The following EEF1E1 variants were observed in gnomAD, a reference collection of about 807,000 sequenced individuals.
The protein encoded by EEF1E1 is eukaryotic translation elongation factor 1 epsilon-1.
EEF1E1 carries 19 observed loss-of-function variants against 19.9 expected under a neutral mutation model. The ratio of observed to expected loss-of-function variants is 0.95; its 90% CI spans 0.66 to 1.40. The LOEUF (loss-of-function observed/expected upper bound fraction) is 1.40, where lower values mean the gene tolerates loss of function less well. Among genes scored for constraint, EEF1E1 ranks in the 40% most tolerant of loss-of-function variants. EEF1E1 has a pLI of 0.00. For synonymous variants in EEF1E1, 81 were observed against 80.0 expected, an observed-to-expected ratio of 1.01 and a Z score of -0.07; for missense variants, 198 against 202.2, an observed-to-expected ratio of 0.98 and a Z score of 0.13.
chr6:8,092,262 A>G (rs1455634487), intron 2 of EEF1E1, among the ~76,000 whole-genome samples: 7 of 152,226 alleles, frequency 4.6e-5, no homozygotes, highest in Non-Finnish European at 1.0e-4. Flanking sequence ...TCTGGAATAT[A>G]GTGGTTCAGC....
chr6:8,102,291 C>A, intron 1 of EEF1E1, 144 bp downstream of exon 1: 1 of 989,682 alleles, frequency 1.0e-6, no homozygotes, highest in Non-Finnish European at 1.4e-6. Flanking sequence ...GAGGCGCCAG[C>A]CGGCTAGCGG....
At chr6:8,082,079 A>C (rs1204544501) in intron 3 of EEF1E1, among the ~76,000 whole-genome samples, 1 of 152,262 alleles carries the variant, frequency 6.6e-6, no homozygotes, top group Non-Finnish European at 1.5e-5. Context: ...ACTGAGGACT[A>C]GTATAAGTTG....
chr6:8,085,437 G>A (rs535528392), intron 3 of EEF1E1, among the ~76,000 whole-genome samples: 1 of 152,082 alleles, frequency 6.6e-6, no homozygotes, highest in Non-Finnish European at 1.5e-5. Flanking sequence ...ACAGGCATGA[G>A]CCATCATGCC....
intron 2 of EEF1E1, among the ~76,000 whole-genome samples, chr6:8,093,645 T>C (rs1043880398): frequency 1.3e-5 from 2 of 151,906 alleles, no homozygotes; most frequent in Admixed American, 6.6e-5. Context: ...CATAATATCC[T>C]AAAAGGAAGA....
intron 3 of EEF1E1, among the ~76,000 whole-genome samples, chr6:8,081,552 C>T (rs944110763): frequency 8.5e-5 from 13 of 152,094 alleles, no homozygotes; most frequent in Non-Finnish European, 1.9e-4. Context: ...GAGCATCAGT[C>T]TATATTTCAA....
downstream of EEF1E1, chr6:8,078,633 T>G: frequency 8.2e-7 from 1 of 1,218,972 alleles, no homozygotes; most frequent in Non-Finnish European, 1.0e-6. Context: ...GGCATGCCTG[T>G]GCCCACACAC....
chr6:8,102,546 C>T lies in EEF1E1; in HGVS notation c.-25G>A. ...TCTTCCGGCCGTAGCTCCTGGCAGA[C>T]GCGAGACCTGCAGAACAAGAACCTC... On this transcript the variant is annotated 5_prime_UTR_variant, in exon 1 of 4. Transcript: ENST00000379715. 1 of 1,605,962 alleles carries T rather than the reference C, an allele frequency of 6.2e-7. No homozygotes were observed. Among genetic ancestry groups the T allele is most frequent in the Non-Finnish European group, 8.5e-7 (1 of 1,178,996 alleles).
intron 2 of EEF1E1, among the ~76,000 whole-genome samples, chr6:8,096,499 A>G (rs1259227981): frequency 2.6e-5 from 4 of 152,216 alleles, no homozygotes; most frequent in African/African-American, 9.6e-5. Flanking sequence ...ATTTTCCCCA[A>G]AGTGATAAAG....
At chr6:8,092,181 G>A (rs1758029662) in intron 2 of EEF1E1, among the ~76,000 whole-genome samples, 1 of 152,136 alleles carries the variant, frequency 6.6e-6, no homozygotes, top group Non-Finnish European at 1.5e-5. Context: ...TAACTTTGGG[G>A]GTTAGAATTT....
At chr6:8,091,934 G>C (rs1758021543) in intron 2 of EEF1E1, among the ~76,000 whole-genome samples, 1 of 152,160 alleles carries the variant, frequency 6.6e-6, no homozygotes, top group Admixed American at 6.5e-5. Flanking sequence ...AGACTGGGTG[G>C]CATGTAAACA....
intron 3 of EEF1E1, 193 bp downstream of exon 3, chr6:8,089,993 T>C: frequency 9.8e-6 from 4 of 406,366 alleles, no homozygotes; most frequent in Non-Finnish European, 1.3e-5. Flanking sequence ...AATTTTATTA[T>C]TATTATACTT....
At chr6:8,093,786 T>TA (rs914271471) in intron 2 of EEF1E1, among the ~76,000 whole-genome samples, 15 of 146,808 alleles carry the variant, frequency 1.0e-4, no homozygotes, top group East Asian at 2.0e-4. Flanking sequence ...ATAATTGTAT[T>TA]AAAAAAAAAA....
At chr6:8,097,235 T>G (rs374358133) in intron 2 of EEF1E1, 32 bp downstream of exon 2, 2 of 1,595,896 alleles carry the variant, frequency 1.3e-6, no homozygotes, top group Admixed American at 1.7e-5. Context: ...TAACAGTTCA[T>G]GCATTTCAGC....
At chr6:8,100,423 C>T (rs981248741) in intron 1 of EEF1E1, among the ~76,000 whole-genome samples, 1 of 152,152 alleles carries the variant, frequency 6.6e-6, no homozygotes, top group African/African-American at 2.4e-5. Flanking sequence ...GAAAAGAAGT[C>T]AGGTTGAGGG....
chr6:8,098,864 C>CT (rs1418599234), intron 1 of EEF1E1, among the ~76,000 whole-genome samples: 1 of 152,160 alleles, frequency 6.6e-6, no homozygotes, highest in African/African-American at 2.4e-5. Context: ...ACAACCAACT[C>CT]TAAAGAGAAT....
intron 3 of EEF1E1, 48 bp downstream of exon 3, chr6:8,090,138 C>T: frequency 7.1e-7 from 1 of 1,412,994 alleles, no homozygotes; most frequent in Non-Finnish European, 9.5e-7. Context: ...TTTTAAAAAT[C>T]ATTCTCAACA....
intron 3 of EEF1E1, among the ~76,000 whole-genome samples, chr6:8,085,318 GTT>G (rs75193756): frequency 4.6e-4 from 66 of 144,634 alleles, no homozygotes; most frequent in African/African-American, 1.2e-3. Context: ...CTGGTTAATG[GTT>G]TTTTTTTTTT....
At chr6:8,078,478 T>A (rs1415909992), downstream of EEF1E1, 3 of 251,164 alleles carry the variant, frequency 1.2e-5, no homozygotes, top group African/African-American at 4.7e-5. Flanking sequence ...ATGAAAAAAA[T>A]TCAAAATAAT....
At chr6:8,077,844 T>C (rs1436278593), downstream of EEF1E1, among the ~76,000 whole-genome samples, 1 of 152,172 alleles carries the variant, frequency 6.6e-6, no homozygotes, top group African/African-American at 2.4e-5. Context: ...CAGGCTGGAG[T>C]GCAGTGGCAC....
Sources: allele counts gnomAD v4.1 joint callset (sites outside exome capture counted in the v4.1 genomes callset), GRCh38; gene constraint gnomAD v4.1.1; transcripts MANE v1.5; gene names NCBI Gene and HGNC (gene_info 2026-07-23, HGNC 2026-07-21).